The following LRRTM4 variants were observed in gnomAD, a reference collection of about 807,000 sequenced individuals.
The protein encoded by LRRTM4 is leucine rich repeat transmembrane neuronal 4.
In LRRTM4, 25 loss-of-function variants were observed where a neutral mutation model predicts 47.6. The observed-to-expected ratio is 0.53, with a 90% confidence interval of 0.38 to 0.73. The LOEUF is 0.73. Ranked by LOEUF, LRRTM4 falls within the 30% of genes least tolerant of loss-of-function variation. The pLI is 0.00. For missense variants in LRRTM4, 638 were observed against 713.4 expected, an observed-to-expected ratio of 0.89 and a Z score of 1.20; for synonymous variants, 311 against 269.5, an observed-to-expected ratio of 1.15 and a Z score of -1.51.
At position 77,175,589 on chromosome 2, in the gene LRRTM4, C is replaced by T. The variant is rs148496018; in HGVS notation, c.1551+342729G>A. On this transcript the variant is annotated intron_variant, in intron 3 of 3. Coordinates refer to ENST00000409884, the MANE Select transcript of LRRTM4 (RefSeq NM_001134745.3). The stretch of plus-strand genomic sequence containing the variant: ...AACTATCACAGCTGTAAATCATGTA[C>T]TTGATGCAACGTGACCTTTTGACCT... Among the ~76,000 whole-genome samples the T allele has an allele frequency of 6.6e-5, 10 of 152,262 alleles. No individual in the cohort carries two copies. The East Asian group carries it at 1.9e-3, about 29-fold the overall frequency.
At chr2:77,330,937 T>A (rs2104250411) in intron 3 of LRRTM4, among the ~76,000 whole-genome samples, 1 of 152,294 alleles carries the variant, frequency 6.6e-6, no homozygotes, top group East Asian at 1.9e-4. Context: ...AGGGCACTTT[T>A]ATCCATTATA....
At chr2:76,905,154 TC>T in intron 3 of LRRTM4, among the ~76,000 whole-genome samples, 1 of 152,182 alleles carries the variant, frequency 6.6e-6, no homozygotes, top group African/African-American at 2.4e-5. Context: ...AGACAAAACT[TC>T]CAGAGGAACG....
intron 3 of LRRTM4, among the ~76,000 whole-genome samples, chr2:77,480,998 T>A (rs746654082): frequency 1.3e-5 from 2 of 152,146 alleles, no homozygotes; most frequent in African/African-American, 2.4e-5. Flanking sequence ...TGATGTAAGA[T>A]GTTTCAGATA....
intron 3 of LRRTM4, among the ~76,000 whole-genome samples, chr2:77,333,806 C>A (rs1354997286): frequency 1.3e-5 from 2 of 152,158 alleles, no homozygotes; most frequent in Non-Finnish European, 2.9e-5. Context: ...TCTTCCAGAA[C>A]CCAGAATGGT....
chr2:77,017,296 T>G (rs1317012997), intron 3 of LRRTM4, among the ~76,000 whole-genome samples: 4 of 152,232 alleles, frequency 2.6e-5, no homozygotes, highest in Non-Finnish European at 4.4e-5. Context: ...ACATTTAAAT[T>G]AAGCCCATTT....
rs554489625 is a variant in LRRTM4, at chr2:77,348,367, C to T, written c.1551+169951G>A. 2.3e-4 allele frequency among the ~76,000 whole-genome samples: 34 copies of T among 150,344 alleles called. No homozygotes were observed. In the South Asian group the frequency reaches 4.9e-3, roughly 22 times the overall value. ...TTTTCTTTTTAATTTTATTTTATAC[C>T]CTGTATCGTGCTCCATTATATTTGT... is the stretch of plus-strand genomic sequence containing the variant. On this transcript the variant is annotated intron_variant, in intron 3 of 3. Coordinates refer to ENST00000409884, the MANE Select transcript of LRRTM4 (RefSeq NM_001134745.3).
chr2:77,175,074 C>T (rs1027972012), intron 3 of LRRTM4, among the ~76,000 whole-genome samples: 2 of 138,408 alleles, frequency 1.4e-5, no homozygotes, highest in African/African-American at 5.3e-5. Flanking sequence ...TTTCTTTTTT[C>T]TTTTTTTTTT....
chr2:76,775,741 C>T (rs576863337), intron 3 of LRRTM4, among the ~76,000 whole-genome samples: 2 of 151,956 alleles, frequency 1.3e-5, no homozygotes, highest in Non-Finnish European at 2.9e-5. Context: ...GTGCTCATTT[C>T]TCTCTCTTTT....
intron 3 of LRRTM4, among the ~76,000 whole-genome samples, chr2:77,430,175 A>T (rs1675307188): frequency 6.6e-6 from 1 of 152,220 alleles, no homozygotes; most frequent in Admixed American, 6.5e-5. Context: ...AACAATAACA[A>T]TGTGAGGTGA....
intron 3 of LRRTM4, among the ~76,000 whole-genome samples, chr2:77,042,479 T>C (rs1679067241): frequency 6.6e-6 from 1 of 151,664 alleles, no homozygotes; most frequent in Non-Finnish European, 1.5e-5. Context: ...GTATGAAACA[T>C]AGTATCTACT....
At chr2:77,035,067 T>C (rs1454342979) in intron 3 of LRRTM4, among the ~76,000 whole-genome samples, 1 of 151,860 alleles carries the variant, frequency 6.6e-6, no homozygotes, top group Non-Finnish European at 1.5e-5. Context: ...TTCTTAATTA[T>C]TGTTTTTTAT....
Position 77,360,528 on chromosome 2 carries a change from ATACG to A in LRRTM4, c.1551+157786_1551+157789del, listed in dbSNP as rs879729160. Among the ~76,000 whole-genome samples, 573 of 131,080 alleles carry A rather than the reference ATACG, an allele frequency of 4.4e-3. 3 individuals carry two copies. Among genetic ancestry groups the A allele is most frequent in the Middle Eastern group, 0.031 (8 of 256 alleles). 86.0% of individuals were successfully genotyped at this position (131,080 alleles called of 152,430 possible). On this transcript the variant is annotated intron_variant, in intron 3 of 3. Transcript: ENST00000409884. ...ATACGATACGATACGATACGATACGATACGATACAATACAATCATTCATACATAC... is the reference window on the plus strand; with the variant it reads ...ATACGATACGATACGATACGATACGAATACAATACAATCATTCATACATAC...
rs113420212 is a variant in LRRTM4, at chr2:77,440,239, C to T, written c.1551+78079G>A. 5.9e-3 allele frequency among the ~76,000 whole-genome samples: 905 copies of T among 152,236 alleles called. 11 individuals are homozygous for T. The highest frequency in any genetic ancestry group is 0.02 in the African/African-American group (827 of 41,546). ...ACCATCCTGGCTAACACGGTGAGAA[C>T]CCGTCTCTACTAAAAATACAAAAAA... On this transcript the variant is annotated intron_variant, in intron 3 of 3. Transcript: ENST00000409884.
rs558525661 is a variant in LRRTM4 at position 77,252,359 on chromosome 2, T to C, written c.1551+265959A>G. The stretch of plus-strand genomic sequence containing the variant: ...TAGGCAAAGAGGTTTGGTTTTTAGT[T>C]TGTCTTTTTTCTAACAAACAAGGTC... On this transcript the variant is annotated intron_variant, in intron 3 of 3. Coordinates refer to ENST00000409884, the MANE Select transcript of LRRTM4 (RefSeq NM_001134745.3). Among the ~76,000 whole-genome samples the C allele has an allele frequency of 1.3e-3, 197 of 152,140 alleles. 2 individuals carry two copies. The highest frequency in any genetic ancestry group is 4.6e-3 in the African/African-American group (193 of 41,524).
intron 3 of LRRTM4, among the ~76,000 whole-genome samples, chr2:77,413,894 G>A (rs979880620): frequency 6.6e-6 from 1 of 151,944 alleles, no homozygotes; most frequent in South Asian, 2.1e-4. Flanking sequence ...ATATGTTAAG[G>A]TTATGTTAAT....
intron 3 of LRRTM4, among the ~76,000 whole-genome samples, chr2:77,129,152 T>A (rs1671729610): frequency 6.6e-6 from 1 of 152,214 alleles, no homozygotes; most frequent in Admixed American, 6.5e-5. Context: ...CACCATGAAC[T>A]CATGTATATG....
intron 3 of LRRTM4, among the ~76,000 whole-genome samples, chr2:76,784,799 A>ATTTG (rs1455359543): frequency 2.0e-5 from 3 of 150,274 alleles, no homozygotes; most frequent in African/African-American, 7.3e-5. Flanking sequence ...TTTTTTATTT[A>ATTTG]TTTGTTTTCA....
intron 3 of LRRTM4, among the ~76,000 whole-genome samples, chr2:77,119,541 T>C (rs981695916): frequency 2.6e-5 from 4 of 151,812 alleles, no homozygotes; most frequent in African/African-American, 9.7e-5. Context: ...TTTATGCAAG[T>C]CATGTTTGTT....
chr2:77,443,127 G>C (rs1320197709), intron 3 of LRRTM4, among the ~76,000 whole-genome samples: 3 of 152,154 alleles, frequency 2.0e-5, no homozygotes, highest in African/African-American at 7.2e-5. Flanking sequence ...CAAGTGGAAA[G>C]AGAAATGGAA....
Sources: gnomAD v4.1 joint callset for allele counts (sites outside exome capture counted in the v4.1 genomes callset) on GRCh38, gnomAD v4.1.1 for gene constraint, MANE v1.5 for transcripts, NCBI Gene and HGNC (gene_info 2026-07-23, HGNC 2026-07-21) for gene names.